Variants in LINGO2 observed in about 807,000 individuals in gnomAD.
The protein encoded by LINGO2 is leucine-rich repeat and immunoglobulin-like domain-containing nogo receptor-interacting protein 2.
In LINGO2, 14 loss-of-function variants were observed where a neutral mutation model predicts 30.6. The ratio of observed to expected loss-of-function variants is 0.46; its 90% CI spans 0.30 to 0.72. The LOEUF (loss-of-function observed/expected upper bound fraction) is 0.72. LINGO2 is among the 30% of genes least tolerant of loss of function. The pLI is 0.07. For missense variants in LINGO2, 729 were observed against 751.7 expected (o/e 0.97, Z 0.35); for synonymous variants, 317 against 288.5 (o/e 1.10, Z -1.00).
the LINGO2 span, among the ~76,000 whole-genome samples, chr9:29,039,427 G>T: frequency 6.6e-6 from 1 of 152,084 alleles, no homozygotes; most frequent in Non-Finnish European, 1.5e-5. Context: ...TCAGGGATGA[G>T]TCATTGATAT....
chr9:27,997,420 A>G (rs1821723848), intron 5 of LINGO2, among the ~76,000 whole-genome samples: 1 of 151,904 alleles, frequency 6.6e-6, no homozygotes, highest in Non-Finnish European at 1.5e-5. Context: ...TAAGTGAGAA[A>G]TCTGAGTCCA....
the LINGO2 span, among the ~76,000 whole-genome samples, chr9:29,205,942 G>C: frequency 6.6e-6 from 1 of 152,110 alleles, no homozygotes; most frequent in Non-Finnish European, 1.5e-5. Context: ...AAATTCCATA[G>C]ATATGTTTTT....
At chr9:29,196,824 G>C in the LINGO2 span, among the ~76,000 whole-genome samples, 1 of 151,974 alleles carries the variant, frequency 6.6e-6, no homozygotes, top group Non-Finnish European at 1.5e-5. Context: ...AGAAAACTTT[G>C]AAAAAGATGT....
chr9:28,244,036 C>T (rs1821907737), intron 4 of LINGO2, among the ~76,000 whole-genome samples: 1 of 152,134 alleles, frequency 6.6e-6, no homozygotes, highest in Non-Finnish European at 1.5e-5. Context: ...CTTCTCAGAG[C>T]CACATGGGAC....
intron 1 of LINGO2, among the ~76,000 whole-genome samples, chr9:28,632,884 A>ATATATATATATATATATATT: frequency 1.3e-5 from 1 of 79,978 alleles, no homozygotes; most frequent in African/African-American, 6.1e-5. Flanking sequence ...ATATATGTAG[A>ATATATATATATATATATATT]GAGAGAGAGA....
At chr9:27,988,298 C>T (rs1417193452) in intron 5 of LINGO2, among the ~76,000 whole-genome samples, 1 of 151,960 alleles carries the variant, frequency 6.6e-6, no homozygotes, top group Non-Finnish European at 1.5e-5. Context: ...TGAATAGTGC[C>T]ACAATAAACA....
intron 1 of LINGO2, among the ~76,000 whole-genome samples, chr9:28,594,767 C>T (rs1825094132): frequency 6.6e-6 from 1 of 152,026 alleles, no homozygotes; most frequent in African/African-American, 2.4e-5. Flanking sequence ...AGCTCCATCT[C>T]AACTATTCTA....
chr9:29,007,099 T>A, the LINGO2 span, among the ~76,000 whole-genome samples: 4 of 152,148 alleles, frequency 2.6e-5, no homozygotes, highest in African/African-American at 4.8e-5. Flanking sequence ...ATTTTTGACA[T>A]GAAAACATTT....
chr9:28,507,451 T>C (rs746423857), intron 1 of LINGO2, among the ~76,000 whole-genome samples: 1 of 152,102 alleles, frequency 6.6e-6, no homozygotes, highest in Non-Finnish European at 1.5e-5. Context: ...CAAAATCATA[T>C]ATCCCACTCA....
At chr9:28,607,127 G>T (rs2135769107) in intron 1 of LINGO2, among the ~76,000 whole-genome samples, 1 of 152,038 alleles carries the variant, frequency 6.6e-6, no homozygotes, top group East Asian at 1.9e-4. Flanking sequence ...TCTCAAAGAG[G>T]ACTAAGTACA....
chr9:28,937,273 G>A, the LINGO2 span, among the ~76,000 whole-genome samples: 2,733 of 152,124 alleles, frequency 0.018, 87 homozygotes, highest in African/African-American at 0.061. Flanking sequence ...ATCACATATC[G>A]CGTATGGTAA....
chr9:28,425,344 TAA>T (rs1491192425), intron 2 of LINGO2, among the ~76,000 whole-genome samples: 14 of 149,382 alleles, frequency 9.4e-5, no homozygotes, highest in African/African-American at 3.4e-4. Flanking sequence ...TATATATATA[TAA>T]ACACATACAT....
chr9:29,008,478 T>A, the LINGO2 span, among the ~76,000 whole-genome samples: 3 of 152,176 alleles, frequency 2.0e-5, no homozygotes, highest in East Asian at 5.8e-4. Context: ...TATTTCCAGT[T>A]CTAGATCCTT....
the LINGO2 span, chr9:27,943,075 T>A: frequency 1.3e-5 from 2 of 150,790 alleles, no homozygotes; most frequent in Non-Finnish European, 3.0e-5. Context: ...GAATGAAAAA[T>A]TTTTTTTGCA....
chr9:29,126,227 T>C, the LINGO2 span, among the ~76,000 whole-genome samples: 4 of 151,802 alleles, frequency 2.6e-5, no homozygotes, highest in Admixed American at 6.6e-5. Context: ...AAATATATAA[T>C]TGAGTAGCCA....
At chr9:28,205,661 G>T (rs567401013) in intron 4 of LINGO2, among the ~76,000 whole-genome samples, 1 of 152,244 alleles carries the variant, frequency 6.6e-6, no homozygotes, top group South Asian at 2.1e-4. Flanking sequence ...TATTTATCCA[G>T]ATCTGACCAG....
At chr9:27,962,304 G>A (rs1255272798) in intron 5 of LINGO2, among the ~76,000 whole-genome samples, 2 of 151,766 alleles carry the variant, frequency 1.3e-5, no homozygotes, top group African/African-American at 4.8e-5. Context: ...TCTTATTTCT[G>A]ATTTATTTCA....
intron 5 of LINGO2, among the ~76,000 whole-genome samples, chr9:27,953,045 T>C (rs918099027): frequency 2.1e-4 from 32 of 152,044 alleles, no homozygotes; most frequent in African/African-American, 7.5e-4. Context: ...CCAATAAGTA[T>C]ATGAAAGGGT....
intron 2 of LINGO2, among the ~76,000 whole-genome samples, chr9:28,390,671 G>T (rs1440953379): frequency 2.6e-5 from 4 of 152,002 alleles, no homozygotes; most frequent in African/African-American, 9.7e-5. Flanking sequence ...AAACCTTCCT[G>T]TGCTCCTGCT....
Sources: gnomAD v4.1 joint callset for allele counts (sites outside exome capture counted in the v4.1 genomes callset) on GRCh38, gnomAD v4.1.1 for gene constraint, MANE v1.5 for transcripts, NCBI Gene and HGNC (gene_info 2026-07-23, HGNC 2026-07-21) for gene names.